Variants in ADAMTS12 observed in about 807,000 individuals in gnomAD.
ADAMTS12 encodes the protein A disintegrin and metalloproteinase with thrombospondin motifs 12.
In ADAMTS12, 118 loss-of-function variants were observed where a neutral mutation model predicts 167.8. The observed-to-expected ratio is 0.70, with a 90% CI of 0.61 to 0.82. The LOEUF (loss-of-function observed/expected upper bound fraction) is 0.82. ADAMTS12 is among the 40% of genes least tolerant of loss of function. The probability of loss-of-function intolerance (pLI) is 0.00; values close to 1 mark genes in which losing one functional copy is unlikely to be tolerated. For missense variants in ADAMTS12, 1,916 were observed against 1,998.8 expected, an observed-to-expected ratio of 0.96 and a Z score of 0.79; for synonymous variants, 704 against 716.9, an observed-to-expected ratio of 0.98 and a Z score of 0.29.
At chr5:33,688,669 C>A (rs886202727) in intron 3 of ADAMTS12, among the ~76,000 whole-genome samples, 3 of 152,142 alleles carry the variant, frequency 2.0e-5, no homozygotes, top group African/African-American at 7.2e-5. Flanking sequence ...AGAAACTGAA[C>A]ATAGATGGCA....
At position 33,868,730 on chromosome 5, in the gene ADAMTS12, T is replaced by A. The variant is rs568133939; in HGVS notation, c.489+12389A>T. Among the ~76,000 whole-genome samples, 21 of 152,346 alleles carry A rather than the reference T, an allele frequency of 1.4e-4. No homozygotes were observed. The South Asian group carries it at 4.1e-3, about 30-fold the overall frequency. ...CAACCCATGGCCCATTGGTCACATG[T>A]GGCCCAACACAAATTTCTAAAATGT... On this transcript the variant is annotated intron_variant, in intron 2 of 23. Coordinates refer to ENST00000504830, the MANE Select transcript of ADAMTS12 (RefSeq NM_030955.4).
intron 12 of ADAMTS12, among the ~76,000 whole-genome samples, chr5:33,631,645 G>A (rs1739938644): frequency 6.6e-6 from 1 of 152,132 alleles, no homozygotes; most frequent in African/African-American, 2.4e-5. Flanking sequence ...CCATATGTAT[G>A]TATACAGAAT....
chr5:33,725,438 C>A (rs906382090), intron 3 of ADAMTS12, among the ~76,000 whole-genome samples: 2 of 152,186 alleles, frequency 1.3e-5, no homozygotes, highest in African/African-American at 4.8e-5. Flanking sequence ...TCTGCATTAC[C>A]CAGAACTTTC....
At chr5:33,631,392 C>G (rs74780647) in intron 12 of ADAMTS12, among the ~76,000 whole-genome samples, 15 of 152,286 alleles carry the variant, frequency 9.8e-5, no homozygotes, top group African/African-American at 3.6e-4. Context: ...ACCACAACCT[C>G]CATCACCACC....
intron 14 of ADAMTS12, among the ~76,000 whole-genome samples, chr5:33,623,656 T>C (rs1739437750): frequency 2.0e-5 from 3 of 152,192 alleles, no homozygotes; most frequent in African/African-American, 7.2e-5. Context: ...GTCTGGAAAT[T>C]CATAAGGGAC....
rs74694880 is a variant in ADAMTS12 at position 33,852,854 on chromosome 5, A to G, written c.489+28265T>C. Among the ~76,000 whole-genome samples, 956 of 152,368 alleles carry G rather than the reference A, an allele frequency of 6.3e-3. 13 individuals carry two copies. The highest frequency in any genetic ancestry group is 0.022 in the African/African-American group (907 of 41,592). ...GGCTTAAAAGCAAATAACAGGTATC[A>G]TCAATAAAAAGGCAAACAGACAGGA... On this transcript the variant is annotated intron_variant, in intron 2 of 23. Transcript: ENST00000504830.
intron 2 of ADAMTS12, among the ~76,000 whole-genome samples, chr5:33,790,824 T>G (rs1404206428): frequency 1.3e-5 from 2 of 150,288 alleles, no homozygotes; most frequent in Non-Finnish European, 3.0e-5. Context: ...TGTTGATATA[T>G]ATATGGCTAA....
At chr5:33,876,060 A>C (rs1254974271) in intron 2 of ADAMTS12, among the ~76,000 whole-genome samples, 1 of 152,194 alleles carries the variant, frequency 6.6e-6, no homozygotes, top group Non-Finnish European at 1.5e-5. Flanking sequence ...AAGGACTTAG[A>C]AAATGAGATA....
Position 33,857,422 on chromosome 5 carries a change from CA to C in ADAMTS12, c.489+23696del, listed in dbSNP as rs201346294. On this transcript the variant is annotated intron_variant, in intron 2 of 23. Coordinates refer to ENST00000504830, the MANE Select transcript of ADAMTS12 (RefSeq NM_030955.4). ...GGGTAGATTTTAAGTGCTCTCATCA[CA>C]AAAAAAAAAAAGAAAATGGTAAAAT... 8.5e-3 allele frequency among the ~76,000 whole-genome samples: 1,022 copies of C among 120,342 alleles called. 6 individuals carry two copies. Among genetic ancestry groups the C allele is most frequent in the Non-Finnish European group, 0.012 (654 of 53,478 alleles). The allele number at this position is 120,342 out of a possible 152,430, so 78.9% of individuals were successfully genotyped here. A position where few individuals can be genotyped will look rare whatever the true frequency, so the allele number is the denominator to read the frequency against.
chr5:33,707,247 G>T (rs1022777859), intron 3 of ADAMTS12, among the ~76,000 whole-genome samples: 2 of 152,068 alleles, frequency 1.3e-5, no homozygotes, highest in African/African-American at 4.8e-5. Flanking sequence ...ACTTACAAGG[G>T]ATGTGAAGTA....
At chr5:33,539,539 TGATATTTG>T (rs1162334955) in intron 22 of ADAMTS12, among the ~76,000 whole-genome samples, 1 of 152,192 alleles carries the variant, frequency 6.6e-6, no homozygotes, top group African/African-American at 2.4e-5. Context: ...GGAATAACTT[TGATATTTG>T]ATCTTTTCTC....
intron 21 of ADAMTS12, among the ~76,000 whole-genome samples, chr5:33,546,807 T>A (rs1297285076): frequency 6.6e-6 from 1 of 152,228 alleles, no homozygotes; most frequent in Non-Finnish European, 1.5e-5. Context: ...TTGCATGACT[T>A]TTTAAGGAGG....
chr5:33,643,793 T>C (rs1740560425), intron 9 of ADAMTS12, among the ~76,000 whole-genome samples: 1 of 152,214 alleles, frequency 6.6e-6, no homozygotes, highest in Admixed American at 6.5e-5. Flanking sequence ...AGGTAACTGG[T>C]GATCATCTAT....
chr5:33,606,420 A>T (rs1738442458), intron 16 of ADAMTS12, among the ~76,000 whole-genome samples: 1 of 152,234 alleles, frequency 6.6e-6, no homozygotes, highest in South Asian at 2.1e-4. Context: ...AGGAAGAAAG[A>T]ATAATATAAA....
intron 3 of ADAMTS12, among the ~76,000 whole-genome samples, chr5:33,712,873 G>A (rs1280170764): frequency 6.6e-6 from 1 of 152,080 alleles, no homozygotes; most frequent in African/African-American, 2.4e-5. Flanking sequence ...CTGCAAAGTT[G>A]CCTGTAAAAA....
Position 33,866,108 on chromosome 5 carries a change from T to C in ADAMTS12, c.489+15011A>G, listed in dbSNP as rs980464335. Among the ~76,000 whole-genome samples the C allele has an allele frequency of 2.6e-5, 4 of 152,040 alleles. No homozygotes were observed. The East Asian group carries it at 7.7e-4, about 29-fold the overall frequency. Reference sequence around the variant, plus strand: ...TTTTTCACAGAATTAGAAAACAATCTGAAAATTCATATGGAACCAAAGAAA... The same window carrying C: ...TTTTTCACAGAATTAGAAAACAATCCGAAAATTCATATGGAACCAAAGAAA... On this transcript the variant is annotated intron_variant, in intron 2 of 23. Coordinates refer to ENST00000504830, the MANE Select transcript of ADAMTS12 (RefSeq NM_030955.4).
At chr5:33,746,870 A>G (rs1053660102) in intron 3 of ADAMTS12, among the ~76,000 whole-genome samples, 1 of 152,216 alleles carries the variant, frequency 6.6e-6, no homozygotes, top group Non-Finnish European at 1.5e-5. Flanking sequence ...GCTTTCCAGA[A>G]GAAGAAATGT....
intron 20 of ADAMTS12, among the ~76,000 whole-genome samples, chr5:33,558,558 A>G (rs1030358417): frequency 1.3e-5 from 2 of 152,186 alleles, no homozygotes; most frequent in East Asian, 1.9e-4. Context: ...GCAAGGAGTC[A>G]AGCCAGGCTT....
At chr5:33,770,947 T>C (rs2112425244) in intron 2 of ADAMTS12, among the ~76,000 whole-genome samples, 2 of 152,258 alleles carry the variant, frequency 1.3e-5, no homozygotes, top group South Asian at 4.1e-4. Flanking sequence ...TTTCTCAGCC[T>C]CCTAAAGTGT....
Sources: gnomAD v4.1 joint callset for allele counts (sites outside exome capture counted in the v4.1 genomes callset) on GRCh38, gnomAD v4.1.1 for gene constraint, MANE v1.5 for transcripts, NCBI Gene and HGNC (gene_info 2026-07-23, HGNC 2026-07-21) for gene names.